Variants in KLHDC1 observed in about 807,000 individuals in gnomAD.
The protein encoded by KLHDC1 is kelch domain containing 1.
In KLHDC1, 53 loss-of-function variants were observed where a neutral mutation model predicts 68.3. That is an observed-to-expected ratio of 0.78 (90% CI 0.62 to 0.98). KLHDC1 has a LOEUF of 0.98. Ranked by LOEUF, KLHDC1 falls within the 50% of genes least tolerant of loss-of-function variation. The probability of loss-of-function intolerance (pLI) is 0.00; values close to 1 mark genes in which losing one functional copy is unlikely to be tolerated. For missense variants in KLHDC1, 470 were observed against 492.3 expected (o/e 0.95, Z 0.43); for synonymous variants, 148 against 159.0 (o/e 0.93, Z 0.52).
intron 3 of KLHDC1, 99 bp downstream of exon 3, chr14:49,709,925 G>C: frequency 1.6e-6 from 1 of 640,904 alleles, no homozygotes; most frequent in East Asian, 3.1e-5. Flanking sequence ...GATATATATA[G>C]AAAACCTTAA....
intron 1 of KLHDC1, among the ~76,000 whole-genome samples, chr14:49,704,387 GTTTTTTTTTTTTT>G (rs35067251): frequency 1.5e-5 from 1 of 68,690 alleles, no homozygotes; most frequent in Non-Finnish European, 2.4e-5. Context: ...TTCCTTTTCT[GTTTTTTTTTTTTT>G]TTTTTTTTTT....
At chr14:49,728,891 A>C in intron 6 of KLHDC1, 35 bp from the exon 7 acceptor site, 1 of 1,419,742 alleles carries the variant, frequency 7.0e-7, no homozygotes, top group Admixed American at 1.7e-5. Flanking sequence ...CAGATATTTC[A>C]AGTCTTTGCA....
chr14:49,738,151 C>T (rs1888976005), intron 10 of KLHDC1, among the ~76,000 whole-genome samples: 1 of 151,878 alleles, frequency 6.6e-6, no homozygotes, highest in Non-Finnish European at 1.5e-5. Flanking sequence ...CCTCAGCCTC[C>T]TGAGTAGCTG....
In KLHDC1 at chr14:49,716,347, A is replaced by C. The variant is rs116081941; in HGVS notation, c.404+5966A>C. On this transcript the variant is annotated intron_variant, in intron 4 of 12. Coordinates refer to ENST00000359332, the MANE Select transcript of KLHDC1 (RefSeq NM_172193.3). ...AATGATTGCCCTAGGCAAGGGAATTAAGTGACTGAGAGTAGGAGGGAGACT... is the reference window on the plus strand; with the variant it reads ...AATGATTGCCCTAGGCAAGGGAATTCAGTGACTGAGAGTAGGAGGGAGACT... 5.3e-3 allele frequency among the ~76,000 whole-genome samples: 804 copies of C among 152,086 alleles called. 7 individuals are homozygous for C. Among genetic ancestry groups the C allele is most frequent in the African/African-American group, 0.019 (771 of 41,496 alleles).
chr14:49,723,112 AAAGAAG>A (rs1247171598), intron 4 of KLHDC1, among the ~76,000 whole-genome samples: 53 of 124,882 alleles, frequency 4.2e-4, no homozygotes, highest in African/African-American at 1.4e-3. Flanking sequence ...AAAAAAAAAA[AAAGAAG>A]AGAAAACCAT....
intron 4 of KLHDC1, among the ~76,000 whole-genome samples, chr14:49,720,969 AG>A (rs1419554627): frequency 6.6e-5 from 10 of 151,832 alleles, no homozygotes; most frequent in Admixed American, 2.6e-4. Flanking sequence ...ATTTCCATTT[AG>A]TTCTTTTTTA....
At position 49,725,733 on chromosome 14, in the gene KLHDC1, C is replaced by T. The variant is rs772721610; in HGVS notation, c.531C>T (p.Asp177=). 5 of 1,524,148 alleles carry T rather than the reference C, an allele frequency of 3.3e-6. No homozygotes were observed. Among genetic ancestry groups the T allele is most frequent in the Non-Finnish European group, 3.5e-6 (4 of 1,131,428 alleles). The allele number at this position is 1,524,148 out of a possible 1,614,324, so 94.4% of individuals were successfully genotyped here. Residue 177 remains aspartate (D), a synonymous_variant, in exon 6 of 13, where the codon GAC becomes GAT. Coordinates refer to ENST00000359332, the MANE Select transcript of KLHDC1 (RefSeq NM_172193.3). ...GGCATAATGATGTCCACATATTTGACACAAAGACACAGACTTGGTTTCAAC... is the reference window on the plus strand; with the variant it reads ...GGCATAATGATGTCCACATATTTGATACAAAGACACAGACTTGGTTTCAAC... ...WGWHNDVHIF[D]TKTQTWFQPE... is the part of the protein sequence containing the mutation.
Position 49,709,160 on chromosome 14 carries a change from C to G in KLHDC1, c.98C>G (p.Ser33Cys). 1 of 1,211,194 alleles carries G rather than the reference C, an allele frequency of 8.3e-7. No individual in the cohort carries two copies. The highest frequency in any genetic ancestry group is 1.5e-5 in the African/African-American group (1 of 65,556). The allele number at this position is 1,211,194 out of a possible 1,614,324, so 75.0% of individuals were successfully genotyped here. The change falls in exon 2 of 13, where the codon TCT (serine) becomes TGT (cysteine). Residue 33 changes from serine (S) to cysteine (C), a missense_variant and splice_region_variant. Ser to Cys is a moderately radical substitution (Grantham distance 112). Coordinates refer to ENST00000359332, the MANE Select transcript of KLHDC1 (RefSeq NM_172193.3). ...NFLYVWGGYV[S>C]IEDNEVYLPN... ...ATTTTATGTATTCTGTATTTTTAGT[C>G]TATTGAAGACAATGAAGTATATTTG...
chr14:49,701,835 A>T (rs1001478176), intron 1 of KLHDC1, among the ~76,000 whole-genome samples: 2 of 152,110 alleles, frequency 1.3e-5, no homozygotes, highest in African/African-American at 4.8e-5. Context: ...GGAGTTCAAG[A>T]CCAGCCTGAC....
At chr14:49,733,206 C>T (rs1183381382) in intron 9 of KLHDC1, among the ~76,000 whole-genome samples, 2 of 152,122 alleles carry the variant, frequency 1.3e-5, no homozygotes, top group Non-Finnish European at 2.9e-5. Context: ...CCTGGAAATA[C>T]AAAGTGGGAA....
chr14:49,750,142 T>C (rs1889290605), intron 12 of KLHDC1, among the ~76,000 whole-genome samples: 1 of 152,234 alleles, frequency 6.6e-6, no homozygotes, highest in Non-Finnish European at 1.5e-5. Flanking sequence ...TGATGATTCC[T>C]GCTTGGCTCG....
chr14:49,694,206 G>A (rs1488766086), intron 1 of KLHDC1, among the ~76,000 whole-genome samples: 4 of 152,136 alleles, frequency 2.6e-5, no homozygotes, highest in Non-Finnish European at 5.9e-5. Context: ...GTATGTGTGT[G>A]TTGTGTGTCC....
intron 11 of KLHDC1, among the ~76,000 whole-genome samples, chr14:49,741,814 G>A (rs555429330): frequency 2.6e-5 from 4 of 152,266 alleles, no homozygotes; most frequent in African/African-American, 9.6e-5. Flanking sequence ...AATGGGACAG[G>A]AGTTCAGGAA....
chr14:49,744,733 CTG>C (rs1365299687), intron 12 of KLHDC1, among the ~76,000 whole-genome samples: 9 of 152,048 alleles, frequency 5.9e-5, no homozygotes, highest in African/African-American at 2.2e-4. Context: ...AAAAAAAAGT[CTG>C]TACATGTTCA....
intron 8 of KLHDC1, among the ~76,000 whole-genome samples, chr14:49,731,123 C>G (rs1483155984): frequency 6.6e-6 from 1 of 151,990 alleles, no homozygotes; most frequent in Non-Finnish European, 1.5e-5. Context: ...CTACTAAATA[C>G]AAAACAATTA....
intron 12 of KLHDC1, among the ~76,000 whole-genome samples, chr14:49,746,739 T>C (rs1003889127): frequency 2.0e-5 from 3 of 152,158 alleles, no homozygotes; most frequent in African/African-American, 7.2e-5. Flanking sequence ...CAGTCCCTTT[T>C]CTTGACTGAT....
At chr14:49,699,327 A>G (rs899192815) in intron 1 of KLHDC1, among the ~76,000 whole-genome samples, 1 of 152,012 alleles carries the variant, frequency 6.6e-6, no homozygotes, top group Non-Finnish European at 1.5e-5. Context: ...TTTAAATTCC[A>G]GGGATTATCA....
rs1303152734 is a variant in KLHDC1, at chr14:49,749,659, C to T, written c.1035-1927C>T. ...CATTACTACACTCCAGCCTGCGCAA[C>T]AGAGTGAGACTCCGTCTCAAAAAAA... On this transcript the variant is annotated intron_variant, in intron 12 of 12. Transcript: ENST00000359332. Among the ~76,000 whole-genome samples, 9 of 128,234 alleles carry T rather than the reference C, an allele frequency of 7.0e-5. 1 individual carries two copies. The highest frequency in any genetic ancestry group is 1.4e-4 in the Non-Finnish European group (9 of 64,200). 84.1% of individuals were successfully genotyped at this position (128,234 alleles called of 152,430 possible). A position where few individuals can be genotyped will look rare whatever the true frequency, so the allele number is the denominator to read the frequency against.
At chr14:49,720,333 A>C (rs1321613072) in intron 4 of KLHDC1, among the ~76,000 whole-genome samples, 1 of 152,072 alleles carries the variant, frequency 6.6e-6, no homozygotes, top group Non-Finnish European at 1.5e-5. Context: ...TTGCCCAGGC[A>C]GACCTGAAAC....
Sources: allele counts gnomAD v4.1 joint callset (sites outside exome capture counted in the v4.1 genomes callset), GRCh38; gene constraint gnomAD v4.1.1; transcripts MANE v1.5; gene names NCBI Gene and HGNC (gene_info 2026-07-23, HGNC 2026-07-21).